The following CARS2 variants were observed in gnomAD, a reference collection of about 807,000 sequenced individuals.
CARS2 encodes the protein cysteinyl-tRNA synthetase 2, mitochondrial.
CARS2 carries 52 observed loss-of-function variants against 68.8 expected under a neutral mutation model. The observed-to-expected ratio is 0.76, with a 90% CI of 0.61 to 0.95. The LOEUF (loss-of-function observed/expected upper bound fraction) is 0.95. Among genes scored for constraint, CARS2 ranks in the 40% least tolerant of loss-of-function variants. CARS2 has a pLI of 0.00. For missense variants in CARS2, 780 were observed against 754.2 expected, an observed-to-expected ratio of 1.03 and a Z score of -0.40; for synonymous variants, 314 against 303.6, an observed-to-expected ratio of 1.03 and a Z score of -0.36.
intron 9 of CARS2, 54 bp downstream of exon 9, chr13:110,663,397 A>T: frequency 6.4e-7 from 1 of 1,557,544 alleles, no homozygotes. Flanking sequence ...AGCCTTTAAG[A>T]TGGGTTCCAC....
chr13:110,652,183 T>G (rs1189110197), intron 9 of CARS2, among the ~76,000 whole-genome samples: 1 of 152,250 alleles, frequency 6.6e-6, no homozygotes, highest in Non-Finnish European at 1.5e-5. Context: ...TACCCTCTTC[T>G]CTAGGCTGAT....
At chr13:110,661,198 C>A (rs2062495838) in intron 9 of CARS2, among the ~76,000 whole-genome samples, 1 of 152,212 alleles carries the variant, frequency 6.6e-6, no homozygotes, top group Non-Finnish European at 1.5e-5. Flanking sequence ...CCATTGACTT[C>A]TTTCTAGCTA....
chr13:110,699,237 A>G (rs1177255732), intron 3 of CARS2, among the ~76,000 whole-genome samples: 1 of 152,252 alleles, frequency 6.6e-6, no homozygotes, highest in East Asian at 1.9e-4. Flanking sequence ...TTACAGCAGC[A>G]CAAAACAGAC....
At chr13:110,691,208 G>A (rs1407866289) in intron 3 of CARS2, among the ~76,000 whole-genome samples, 1 of 152,106 alleles carries the variant, frequency 6.6e-6, no homozygotes, top group Non-Finnish European at 1.5e-5. Flanking sequence ...TAAAGATGGG[G>A]TTTTTCCTTG....
In CARS2 at chr13:110,670,378, AGCAACATTTGCCGTTCT is replaced by A. The variant is rs1199847405; in HGVS notation, c.786-2922_786-2906del. On this transcript the variant is annotated intron_variant, in intron 7 of 14. Coordinates refer to ENST00000257347, the MANE Select transcript of CARS2 (RefSeq NM_024537.4). The surrounding 1 kb of genome is among the most constrained non-coding windows in gnomAD (Gnocchi z 4.1). ...GAAGCTTCCAGAGGAAGGATCATGC[AGCAACATTTGCCGTTCT>A]GCAATATTTGCTGTTCTGCAGCCTC... Among the ~76,000 whole-genome samples the A allele has an allele frequency of 2.0e-5, 3 of 152,336 alleles. No homozygotes were observed. The East Asian group carries it at 5.8e-4, about 29-fold the overall frequency.
At chr13:110,644,560 G>C (rs1887835098) in intron 12 of CARS2, 77 bp from the exon 13 acceptor site, 45 of 1,590,364 alleles carry the variant, frequency 2.8e-5, no homozygotes, top group Non-Finnish European at 3.9e-5. Context: ...AATGTCAAAA[G>C]ACAAAGGCTT....
In CARS2 at chr13:110,651,065, C is replaced by T; in HGVS notation, c.1023G>A (p.Arg341=). The T allele has an allele frequency of 1.9e-6, 3 of 1,613,490 alleles. No homozygotes were observed. The highest frequency in any genetic ancestry group is 1.7e-6 in the Non-Finnish European group (2 of 1,179,946). ...FLKTFSPDVF[R]FFCLRSSYRS... ...GGTAGCTGCTCCGCAGGCAGAAGAA[C>T]CGGAAGACATCGGGGGAAAAGGTCT... Residue 341 remains arginine, a synonymous_variant, in exon 10 of 15, where the codon CGG becomes CGA. Coordinates refer to ENST00000257347, the MANE Select transcript of CARS2 (RefSeq NM_024537.4).
chr13:110,660,981 C>T (rs904152080), intron 9 of CARS2, among the ~76,000 whole-genome samples: 3 of 152,060 alleles, frequency 2.0e-5, no homozygotes, highest in African/African-American at 4.8e-5. Flanking sequence ...AGGCTGGTCT[C>T]GAACTCCTGA....
At chr13:110,708,995 C>CT (rs945694215), upstream of CARS2, among the ~76,000 whole-genome samples, 6 of 152,048 alleles carry the variant, frequency 3.9e-5, no homozygotes, top group Non-Finnish European at 8.8e-5. Context: ...CTCCTGACCT[C>CT]AAGTGATCCA....
intron 3 of CARS2, among the ~76,000 whole-genome samples, chr13:110,692,683 CATAT>C: frequency 6.6e-6 from 1 of 151,518 alleles, no homozygotes; most frequent in East Asian, 1.9e-4. Flanking sequence ...GGCGTGGTGG[CATAT>C]ACCTGTAGTC....
chr13:110,712,730 G>A (rs1422868716), intron 1 of CARS2: 4 of 697,532 alleles, frequency 5.7e-6, no homozygotes, highest in Non-Finnish European at 1.0e-5. Context: ...CAAGTGTGGG[G>A]AGCGGCCTCC....
chr13:110,652,806 C>T (rs897473943), intron 9 of CARS2, among the ~76,000 whole-genome samples: 3 of 152,070 alleles, frequency 2.0e-5, no homozygotes, highest in East Asian at 1.9e-4. Flanking sequence ...GGTGGGAGGG[C>T]GGGGAGATCT....
At chr13:110,708,992 C>A (rs2064004861), upstream of CARS2, among the ~76,000 whole-genome samples, 1 of 151,908 alleles carries the variant, frequency 6.6e-6, no homozygotes, top group Admixed American at 6.6e-5. Flanking sequence ...GAACTCCTGA[C>A]CTCAAGTGAT....
chr13:110,700,131 C>T (rs1221500176), intron 3 of CARS2, among the ~76,000 whole-genome samples: 1 of 152,240 alleles, frequency 6.6e-6, no homozygotes, highest in Non-Finnish European at 1.5e-5. Flanking sequence ...CTTGACTCTT[C>T]TGCAAGATGG....
intron 13 of CARS2, 99 bp from the exon 14 acceptor site, chr13:110,642,620 C>T (rs758493385): frequency 9.1e-7 from 1 of 1,102,504 alleles, no homozygotes; most frequent in Non-Finnish European, 1.4e-6. Flanking sequence ...ACCCACCCAG[C>T]CCTGGGCTTC....
At chr13:110,696,397 A>G (rs574015863) in intron 3 of CARS2, among the ~76,000 whole-genome samples, 8 of 152,240 alleles carry the variant, frequency 5.3e-5, no homozygotes, top group Non-Finnish European at 1.2e-4. Flanking sequence ...ACAGTGTAAA[A>G]GCGTTCCTAT....
chr13:110,687,698 A>G, intron 5 of CARS2, 23 bp downstream of exon 5: 3 of 1,469,804 alleles, frequency 2.0e-6, no homozygotes, highest in Non-Finnish European at 9.3e-7. Context: ...AAAAGAAAAA[A>G]AAAAAAAGAA....
chr13:110,681,629 A>G (rs2063158777), intron 6 of CARS2, among the ~76,000 whole-genome samples: 1 of 152,140 alleles, frequency 6.6e-6, no homozygotes, highest in Non-Finnish European at 1.5e-5. Context: ...CTGCACGTGG[A>G]TGTTTACAGC....
chr13:110,646,199 A>C, intron 11 of CARS2, 109 bp from the exon 12 acceptor site: 1 of 1,321,202 alleles, frequency 7.6e-7, no homozygotes, highest in South Asian at 1.5e-5. Context: ...TAATCTGGGG[A>C]CTTTCTCTAG....
Sources: allele counts gnomAD v4.1 joint callset (sites outside exome capture counted in the v4.1 genomes callset), GRCh38; gene constraint gnomAD v4.1.1; non-coding constraint Gnocchi (gnomAD v3.1); transcripts MANE v1.5; gene names NCBI Gene and HGNC (gene_info 2026-07-23, HGNC 2026-07-21).